GSTT4: variants seen among roughly 807,000 people sequenced by gnomAD.
GSTT4 encodes glutathione S-transferase theta-4.
the GSTT4 span, among the ~76,000 whole-genome samples, chr22:23,989,911 C>G: frequency 2.6e-5 from 4 of 151,102 alleles, no homozygotes; most frequent in Non-Finnish European, 5.9e-5. Flanking sequence ...CACACCCCTG[C>G]CCATTCTCCC....
rs368378952 is a variant in GSTT4 at position 23,998,448 on chromosome 22, G to GTTTTTTTT, written c.*93_*94insAAAAAAAA. The GTTTTTTTT allele has an allele frequency of 2.8e-5, 1 of 35,542 alleles. No homozygotes were observed. Among genetic ancestry groups the GTTTTTTTT allele is most frequent in the Admixed American group, 3.1e-4 (1 of 3,222 alleles). The allele number at this position is 35,542 out of a possible 1,614,324, so 2.2% of individuals were successfully genotyped here. A position where few individuals can be genotyped will look rare whatever the true frequency, so the allele number is the denominator to read the frequency against. ...TTAGGCAAAGAACAGTTGTTTTTTT[G>GTTTTTTTT]TTTTTTTGTTTTTTTTTTTTTAACA... On this transcript the variant is annotated 3_prime_UTR_variant, in exon 5 of 5. Transcript: ENST00000621179.
At chr22:24,004,740 TG>T (rs955531988) in intron 1 of GSTT4, 2 of 153,250 alleles carry the variant, frequency 1.3e-5, no homozygotes, top group African/African-American at 2.4e-5. Flanking sequence ...TGTTCATCTG[TG>T]GCGTGGGGAC....
the GSTT4 span, among the ~76,000 whole-genome samples, chr22:23,992,052 CAAAAAAAAAAA>C: frequency 1.4e-4 from 10 of 71,200 alleles, no homozygotes; most frequent in African/African-American, 4.2e-4. Flanking sequence ...TACTCCGTCT[CAAAAAAAAAAA>C]AAAAAAAAAA....
chr22:23,998,448 GTTTTTTTGT>G lies in GSTT4; in HGVS notation c.*85_*93del, dbSNP rs758755052. ...TTAGGCAAAGAACAGTTGTTTTTTTGTTTTTTTGTTTTTTTTTTTTTAACATTTCCTTTA... is the reference window on the plus strand; with the variant it reads ...TTAGGCAAAGAACAGTTGTTTTTTTGTTTTTTTTTTTTAACATTTCCTTTA... On this transcript the variant is annotated 3_prime_UTR_variant, in exon 5 of 5. Transcript: ENST00000621179. 18 of 35,594 alleles carry G rather than the reference GTTTTTTTGT, an allele frequency of 5.1e-4. No individual in the cohort carries two copies. Among genetic ancestry groups the G allele is most frequent in the Middle Eastern group, 1.5e-3 (1 of 648 alleles). 2.2% of individuals were successfully genotyped at this position (35,594 alleles called of 1,614,324 possible).
At chr22:24,003,574 C>T (rs1387903287) in intron 2 of GSTT4, among the ~76,000 whole-genome samples, 186 bp downstream of exon 2, 1 of 152,254 alleles carries the variant, frequency 6.6e-6, no homozygotes, top group Non-Finnish European at 1.5e-5. Flanking sequence ...GTAAACTGGA[C>T]CCCAAGTTGG....
At chr22:23,996,558 G>A (rs1052520128), downstream of GSTT4, among the ~76,000 whole-genome samples, 1 of 152,146 alleles carries the variant, frequency 6.6e-6, no homozygotes, top group African/African-American at 2.4e-5. Context: ...TATCGTAAAA[G>A]GATGTTAGGT....
chr22:23,993,240 T>C, the GSTT4 span, among the ~76,000 whole-genome samples: 1 of 152,096 alleles, frequency 6.6e-6, no homozygotes, highest in Non-Finnish European at 1.5e-5. Context: ...TTCTCTCTTG[T>C]TTTTTAGAGA....
chr22:23,992,202 G>T, the GSTT4 span, among the ~76,000 whole-genome samples: 1 of 140,542 alleles, frequency 7.1e-6, no homozygotes, highest in Non-Finnish European at 1.6e-5. Context: ...ATGAAGGAAT[G>T]AGCTGTCCCT....
chr22:24,000,252 C>A lies in GSTT4; in HGVS notation c.352-1G>T, dbSNP rs1358438351. 1 of 153,392 alleles carries A rather than the reference C, an allele frequency of 6.5e-6. No homozygotes were observed. Among genetic ancestry groups the A allele is most frequent in the African/African-American group, 2.4e-5 (1 of 41,294 alleles). The allele number at this position is 153,392 out of a possible 1,614,324, so 9.5% of individuals were successfully genotyped here. On this transcript the variant is annotated splice_acceptor_variant, in intron 3 of 4. Coordinates refer to ENST00000621179, the MANE Select transcript of GSTT4 (RefSeq NM_001358664.2). LOFTEE classifies it high-confidence loss of function. ...CCCCTGTTATCTTTGGGATCAGCAA[C>A]TGGCCAGGGTTGGGAAGAGGAGGGA... is the stretch of plus-strand genomic sequence containing the variant.
chr22:23,993,788 C>T (rs140663260), downstream of GSTT4, among the ~76,000 whole-genome samples: 139 of 152,274 alleles, frequency 9.1e-4, no homozygotes, highest in East Asian at 3.7e-3. Context: ...TTGGCGATCA[C>T]GTGATATACA....
intron 2 of GSTT4, among the ~76,000 whole-genome samples, chr22:24,002,139 C>A (rs867391899): frequency 0.047 from 7,071 of 150,524 alleles, no homozygotes; most frequent in African/African-American, 0.17. Context: ...GTGGAGTCCA[C>A]GTAGGGTAGC....
intron 4 of GSTT4, among the ~76,000 whole-genome samples, chr22:23,999,308 C>A (rs1279242008): frequency 6.6e-6 from 1 of 151,766 alleles, no homozygotes; most frequent in Non-Finnish European, 1.5e-5. Flanking sequence ...TGGGGCAGGC[C>A]AGAATGATTT....
At chr22:24,001,514 G>T (rs1468462159) in intron 2 of GSTT4, among the ~76,000 whole-genome samples, 189 bp from the exon 3 acceptor site, 1 of 152,270 alleles carries the variant, frequency 6.6e-6, no homozygotes, top group African/African-American at 2.4e-5. Context: ...AGCCCTGCGG[G>T]GTGAGTAGGA....
At chr22:23,993,676 G>A (rs1308969776), downstream of GSTT4, among the ~76,000 whole-genome samples, 1 of 146,458 alleles carries the variant, frequency 6.8e-6, no homozygotes, top group African/African-American at 2.5e-5. Flanking sequence ...CCTCCCAGGG[G>A]AGTTTCCACT....
the GSTT4 span, among the ~76,000 whole-genome samples, chr22:23,991,949 AGGCTGG>A: frequency 2.9e-5 from 4 of 138,820 alleles, no homozygotes; most frequent in Non-Finnish European, 6.2e-5. Context: ...GCTACTCGGG[AGGCTGG>A]GGCAGGAGAA....
the GSTT4 span, among the ~76,000 whole-genome samples, chr22:23,990,676 T>C: frequency 2.0e-5 from 2 of 100,014 alleles, 1 homozygote; most frequent in African/African-American, 6.3e-5. Flanking sequence ...AATAAAAAAG[T>C]GGAAGAGACA....
intron 2 of GSTT4, 81 bp downstream of exon 2, chr22:24,003,679 T>A (rs2034287167): frequency 6.5e-6 from 1 of 155,000 alleles, no homozygotes; most frequent in African/African-American, 2.4e-5. Flanking sequence ...AGATTTTCCA[T>A]GGTCAAACAG....
At chr22:23,995,283 C>T (rs994968871), downstream of GSTT4, among the ~76,000 whole-genome samples, 1 of 152,100 alleles carries the variant, frequency 6.6e-6, no homozygotes, top group African/African-American at 2.4e-5. Context: ...CAGGCATACG[C>T]CACCACACCC....
chr22:23,995,145 T>C (rs391806), downstream of GSTT4, among the ~76,000 whole-genome samples: 1 of 147,624 alleles, frequency 6.8e-6, no homozygotes, highest in Non-Finnish European at 1.5e-5. Flanking sequence ...TTGTTTGTTT[T>C]TTTTTTGAGT....
Sources: gnomAD v4.1 joint callset for allele counts (sites outside exome capture counted in the v4.1 genomes callset) on GRCh38, gnomAD v4.1.1 for gene constraint, MANE v1.5 for transcripts, NCBI Gene and HGNC (gene_info 2026-07-23, HGNC 2026-07-21) for gene names.